MVB12B: variants seen among roughly 807,000 people sequenced by gnomAD.
MVB12B encodes ESCRT-I complex subunit MVB12B.
In MVB12B, 16 loss-of-function variants were observed where a neutral mutation model predicts 41.6. The observed-to-expected ratio is 0.38, with a 90% CI of 0.26 to 0.58. MVB12B has a LOEUF of 0.58. Among genes scored for constraint, MVB12B ranks in the 20% least tolerant of loss-of-function variants. The probability of loss-of-function intolerance (pLI) is 0.62; values close to 1 mark genes in which losing one functional copy is unlikely to be tolerated. For synonymous variants in MVB12B, 133 were observed against 139.7 expected, an observed-to-expected ratio of 0.95 and a Z score of 0.34; for missense variants, 274 against 380.2, an observed-to-expected ratio of 0.72 and a Z score of 2.32.
At chr9:126,418,998 G>A (rs986005173) in intron 6 of MVB12B, among the ~76,000 whole-genome samples, 2 of 152,080 alleles carry the variant, frequency 1.3e-5, no homozygotes, top group Non-Finnish European at 2.9e-5. Flanking sequence ...CTGTATTGAT[G>A]CATATTTGAC....
chr9:126,420,007 T>C (rs1831956148), intron 6 of MVB12B, among the ~76,000 whole-genome samples: 1 of 152,212 alleles, frequency 6.6e-6, no homozygotes, highest in South Asian at 2.1e-4. Context: ...CTAGCTCTGC[T>C]TCCGACGTGT....
At position 126,376,034 on chromosome 9, in the gene MVB12B, C is replaced by T. The variant is rs1038636261; in HGVS notation, c.205-5030C>T. ...TAACACAGAGGCTCCCCCTCCCCTC[C>T]GGTTTTTATTTTAAAAGTTCTTTCT... On this transcript the variant is annotated intron_variant, in intron 2 of 9. Coordinates refer to ENST00000361171, the MANE Select transcript of MVB12B (RefSeq NM_033446.3). The surrounding 1 kb of genome is among the most constrained non-coding windows in gnomAD (Gnocchi z 4.1). Among the ~76,000 whole-genome samples the T allele has an allele frequency of 1.2e-4, 18 of 152,116 alleles. No homozygotes were observed. The highest frequency in any genetic ancestry group is 4.1e-4 in the African/African-American group (17 of 41,424).
intron 7 of MVB12B, among the ~76,000 whole-genome samples, chr9:126,433,165 C>T (rs927195438): frequency 3.3e-5 from 5 of 152,002 alleles, no homozygotes; most frequent in South Asian, 2.1e-4. Context: ...ATGGGGGTGA[C>T]GGTGACTTAT....
At chr9:126,342,376 G>A (rs529425933) in intron 2 of MVB12B, among the ~76,000 whole-genome samples, 1 of 152,274 alleles carries the variant, frequency 6.6e-6, no homozygotes, top group Non-Finnish European at 1.5e-5. Flanking sequence ...CTGGGTAGTG[G>A]GTGGCAGATG....
rs1415883891 is a variant in MVB12B at position 126,333,742 on chromosome 9, G to A, written c.81+6732G>A. ...AATGGTGGGGTGGGTATCTGCAGGG[G>A]AGGAACCTGGTGCCCTTGGGTGAAC... On this transcript the variant is annotated intron_variant, in intron 1 of 9. Transcript: ENST00000361171. The surrounding 1 kb of genome is among the most constrained non-coding windows in gnomAD (Gnocchi z 4.7). Among the ~76,000 whole-genome samples, 4 of 152,300 alleles carry A rather than the reference G, an allele frequency of 2.6e-5. No individual in the cohort carries two copies. In the South Asian group the frequency reaches 6.2e-4, roughly 24 times the overall value.
At chr9:126,328,200 A>T (rs550605922) in intron 1 of MVB12B, among the ~76,000 whole-genome samples, 1 of 152,120 alleles carries the variant, frequency 6.6e-6, no homozygotes, top group African/African-American at 2.4e-5. Context: ...GTCCTTGGAG[A>T]TACTGTACCA....
At chr9:126,434,411 C>G (rs1832415453) in intron 7 of MVB12B, among the ~76,000 whole-genome samples, 1 of 152,176 alleles carries the variant, frequency 6.6e-6, no homozygotes, top group Non-Finnish European at 1.5e-5. Context: ...TGTTAGAGAG[C>G]AGTTTCTTAC....
At chr9:126,439,739 T>C (rs980366973) in intron 7 of MVB12B, among the ~76,000 whole-genome samples, 2 of 152,236 alleles carry the variant, frequency 1.3e-5, no homozygotes, top group Admixed American at 6.5e-5. Context: ...AGAGAATGCA[T>C]AAATCAGAGA....
At chr9:126,443,444 T>A (rs777275014) in intron 7 of MVB12B, among the ~76,000 whole-genome samples, 2 of 152,148 alleles carry the variant, frequency 1.3e-5, no homozygotes, top group Non-Finnish European at 2.9e-5. Context: ...AAAAGTTTGT[T>A]CCTAGACCAA....
At chr9:126,358,763 C>T (rs2118884536) in intron 2 of MVB12B, among the ~76,000 whole-genome samples, 1 of 152,218 alleles carries the variant, frequency 6.6e-6, no homozygotes, top group South Asian at 2.1e-4. Context: ...TCTTCCTTTC[C>T]AGTCTGTATG....
chr9:126,427,964 T>C (rs1237998918), intron 7 of MVB12B, among the ~76,000 whole-genome samples: 2 of 152,140 alleles, frequency 1.3e-5, no homozygotes, highest in East Asian at 1.9e-4. Context: ...TTCTTTTTTT[T>C]TTTTTGCTTT....
At chr9:126,457,520 A>T (rs555676053) in intron 7 of MVB12B, among the ~76,000 whole-genome samples, 69 of 152,180 alleles carry the variant, frequency 4.5e-4, no homozygotes, top group East Asian at 7.7e-4. Context: ...TTATTTTTTT[A>T]AATTATTTTA....
intron 7 of MVB12B, among the ~76,000 whole-genome samples, chr9:126,452,098 G>A (rs1832898684): frequency 6.6e-6 from 1 of 152,242 alleles, no homozygotes; most frequent in Non-Finnish European, 1.5e-5. Flanking sequence ...GGCACCAGCA[G>A]ATGCACCTAC....
At chr9:126,451,547 G>T (rs1209440325) in intron 7 of MVB12B, among the ~76,000 whole-genome samples, 1 of 152,118 alleles carries the variant, frequency 6.6e-6, no homozygotes, top group African/African-American at 2.4e-5. Flanking sequence ...CAAGCCCAGG[G>T]GAATGGTCAA....
intron 7 of MVB12B, among the ~76,000 whole-genome samples, chr9:126,446,360 G>A (rs1832766214): frequency 6.6e-6 from 1 of 151,792 alleles, no homozygotes; most frequent in African/African-American, 2.4e-5. Context: ...TTGAGCCACT[G>A]CTATTTAAGT....
intron 7 of MVB12B, among the ~76,000 whole-genome samples, chr9:126,442,247 G>A (rs755701723): frequency 2.6e-5 from 4 of 152,122 alleles, no homozygotes; most frequent in Admixed American, 6.6e-5. Context: ...AATTTTATCC[G>A]CAGGGCCCTA....
intron 7 of MVB12B, among the ~76,000 whole-genome samples, chr9:126,438,206 T>C (rs1316618353): frequency 1.3e-5 from 2 of 152,212 alleles, no homozygotes; most frequent in Admixed American, 1.3e-4. Context: ...TTCTACATGC[T>C]AAGGGAGGAG....
chr9:126,351,585 T>G (rs538427302), intron 2 of MVB12B, among the ~76,000 whole-genome samples: 1 of 145,262 alleles, frequency 6.9e-6, no homozygotes, highest in South Asian at 2.3e-4. Flanking sequence ...ACTTTCTGGG[T>G]TCAAGCAGTT....
intron 6 of MVB12B, among the ~76,000 whole-genome samples, chr9:126,410,610 C>T (rs919781248): frequency 6.6e-6 from 1 of 152,144 alleles, no homozygotes; most frequent in East Asian, 1.9e-4. Context: ...CGCGGGCCTC[C>T]CTGGAAAGCC....
Sources: gnomAD v4.1 joint callset for allele counts (sites outside exome capture counted in the v4.1 genomes callset) on GRCh38, gnomAD v4.1.1 for gene constraint, Gnocchi (gnomAD v3.1) non-coding constraint, MANE v1.5 for transcripts, NCBI Gene and HGNC (gene_info 2026-07-23, HGNC 2026-07-21) for gene names.